DMD: variants seen among roughly 807,000 people sequenced by gnomAD.
DMD encodes the protein mutant dystrophin.
A neutral mutation model predicts 330.1 loss-of-function variants in DMD; 63 were observed. The ratio of observed to expected loss-of-function variants is 0.19; its 90% CI spans 0.16 to 0.24. The LOEUF (loss-of-function observed/expected upper bound fraction) is 0.24. DMD is among the 10% of genes least tolerant of loss of function. DMD has a pLI of 1.00. For missense variants in DMD, 3,344 were observed against 2,684.1 expected, an observed-to-expected ratio of 1.25 and a Z score of -5.43; for synonymous variants, 1,223 against 959.8, an observed-to-expected ratio of 1.27 and a Z score of -5.07.
At chrX:32,703,677 T>A (rs921781643) in intron 7 of DMD, among the ~76,000 whole-genome samples, 4 of 111,614 alleles carry the variant, frequency 3.6e-5, no homozygotes, top group African/African-American at 3.2e-5. Context: ...TTCCTGGCAC[T>A]CTGTGATCAC....
intron 16 of DMD, among the ~76,000 whole-genome samples, chrX:32,557,998 C>A (rs1366495570): frequency 9.2e-6 from 1 of 109,167 alleles, no homozygotes; most frequent in East Asian, 2.8e-4. Context: ...AATAAAATTT[C>A]TTGAATAAGT....
At chrX:33,045,315 T>TCACAC (rs367624571) in intron 1 of DMD, among the ~76,000 whole-genome samples, 15 of 96,742 alleles carry the variant, frequency 1.6e-4, no homozygotes, top group African/African-American at 5.3e-4. Flanking sequence ...CACAGGTGCG[T>TCACAC]ACACACACAC....
chrX:32,913,512 T>C (rs1361924027), intron 2 of DMD, among the ~76,000 whole-genome samples: 1 of 112,108 alleles, frequency 8.9e-6, no homozygotes, highest in Non-Finnish European at 1.9e-5. Context: ...AAACATTCAG[T>C]AGCAGTGGGC....
chrX:32,871,962 C>T (rs1372007013), intron 2 of DMD, among the ~76,000 whole-genome samples: 2 of 109,823 alleles, frequency 1.8e-5, no homozygotes, highest in Non-Finnish European at 3.8e-5. Context: ...GCAGGCGAGA[C>T]TGAAAGTATG....
chrX:32,575,115 C>A (rs1343703999), intron 13 of DMD, among the ~76,000 whole-genome samples: 2 of 110,959 alleles, frequency 1.8e-5, no homozygotes, highest in African/African-American at 6.6e-5. Context: ...CCAGGCTGCT[C>A]TCGAACTCCT....
intron 27 of DMD, among the ~76,000 whole-genome samples, chrX:32,441,570 A>T (rs903893305): frequency 9.0e-6 from 1 of 111,709 alleles, no homozygotes; most frequent in Non-Finnish European, 1.9e-5. Context: ...TAAAATAAAA[A>T]TAAGCACCAA....
At chrX:31,630,471 G>A (rs1343411102) in intron 54 of DMD, among the ~76,000 whole-genome samples, 1 of 111,157 alleles carries the variant, frequency 9.0e-6, no homozygotes, top group East Asian at 2.8e-4. Flanking sequence ...GGGTTTTACG[G>A]CTTCAACATT....
chrX:32,144,279 A>T (rs1432983556), intron 44 of DMD, among the ~76,000 whole-genome samples: 3 of 111,802 alleles, frequency 2.7e-5, no homozygotes, highest in Admixed American at 9.5e-5. Flanking sequence ...AAAAATTTAA[A>T]CTATTAGAAC....
intron 41 of DMD, among the ~76,000 whole-genome samples, chrX:32,333,828 G>A (rs2097692480): frequency 9.0e-6 from 1 of 111,571 alleles, no homozygotes; most frequent in African/African-American, 3.3e-5. Flanking sequence ...AAAAGGTCTT[G>A]AAAACTTCTT....
intron 52 of DMD, among the ~76,000 whole-genome samples, chrX:31,685,347 C>T (rs1307038899): frequency 1.8e-5 from 2 of 111,779 alleles, no homozygotes; most frequent in Non-Finnish European, 1.9e-5. Flanking sequence ...CGCCTGGTTA[C>T]ATCCATGGTT....
At chrX:32,905,169 A>G (rs2086631764) in intron 2 of DMD, among the ~76,000 whole-genome samples, 1 of 111,886 alleles carries the variant, frequency 8.9e-6, no homozygotes, top group South Asian at 3.7e-4. Flanking sequence ...TTAGAGATGC[A>G]GCAACAGTTT....
At position 31,833,359 on chromosome X, in the gene DMD, A is replaced by AAGAGAG. The variant is rs61677647; in HGVS notation, c.7200+3353_7200+3358dup. Among the ~76,000 whole-genome samples, 379 of 50,450 alleles carry AAGAGAG rather than the reference A, an allele frequency of 7.5e-3. 23 individuals are homozygous for AAGAGAG. The highest frequency in any genetic ancestry group is 0.01 in the South Asian group (9 of 864). The allele number at this position is 50,450 out of a possible 115,157, so 43.8% of individuals were successfully genotyped here. A position where few individuals can be genotyped will look rare whatever the true frequency, so the allele number is the denominator to read the frequency against. ...GAGAGAGTGGAGAGGGAGGGAGGGA[A>AAGAGAG]AGAGAGAGAGAGAGAGAGAGAGACA... On this transcript the variant is annotated intron_variant, in intron 49 of 78. Transcript: ENST00000357033.
chrX:32,458,214 C>G (rs1339752160), intron 25 of DMD, among the ~76,000 whole-genome samples: 1 of 110,940 alleles, frequency 9.0e-6, no homozygotes, highest in Non-Finnish European at 1.9e-5. Flanking sequence ...TCTGGTCTTA[C>G]ACACTGTGCC....
chrX:32,110,025 T>C (rs2096582346), intron 44 of DMD, among the ~76,000 whole-genome samples: 2 of 111,901 alleles, frequency 1.8e-5, no homozygotes, highest in Non-Finnish European at 3.8e-5. Flanking sequence ...GGCTATGACT[T>C]TTATAATAGT....
intron 49 of DMD, among the ~76,000 whole-genome samples, chrX:31,834,347 G>A (rs2093142803): frequency 9.0e-6 from 1 of 111,659 alleles, no homozygotes; most frequent in East Asian, 2.8e-4. Flanking sequence ...TGTTTCCAAG[G>A]TCATGGTCCA....
In DMD at chrX:32,849,728, C is replaced by A; in HGVS notation, c.186G>T (p.Leu62=). ...ACTTTCTTAAAAATAAGTCACATAC[C>A]AGTTTTTGCCCTGTCAGGCCTTCGA... ...DLLEGLTGQK[L]PKEKGSTRVH... Residue 62 remains leucine (L), a splice_region_variant and synonymous_variant, in exon 3 of 79, where the codon CTG becomes CTT. Transcript: ENST00000357033. The A allele has an allele frequency of 1.7e-6, 2 of 1,189,312 alleles. No individual in the cohort carries two copies. Among genetic ancestry groups the A allele is most frequent in the South Asian group, 1.8e-5 (1 of 56,362 alleles).
chrX:31,793,099 T>G, intron 50 of DMD, among the ~76,000 whole-genome samples: 1 of 111,149 alleles, frequency 9.0e-6, no homozygotes. Context: ...TCTCTAAAGT[T>G]ATGCCATCAA....
chrX:31,381,431 TC>T (rs199846273), intron 60 of DMD, among the ~76,000 whole-genome samples: 1,370 of 111,543 alleles, frequency 0.012, 26 homozygotes, highest in African/African-American at 0.042. Flanking sequence ...TCTCTACAGT[TC>T]TCATAACTTC....
intron 17 of DMD, among the ~76,000 whole-genome samples, chrX:32,541,487 G>A (rs1212944967): frequency 3.6e-5 from 4 of 112,247 alleles, no homozygotes; most frequent in Non-Finnish European, 7.5e-5. Context: ...TGAGAATACT[G>A]GAATCTGAGG....
Sources: allele counts gnomAD v4.1 joint callset (sites outside exome capture counted in the v4.1 genomes callset), GRCh38; gene constraint gnomAD v4.1.1; transcripts MANE v1.5; gene names NCBI Gene and HGNC (gene_info 2026-07-23, HGNC 2026-07-21).